Variants in DLGAP1 observed in about 807,000 individuals in gnomAD.
DLGAP1 encodes disks large-associated protein 1.
A neutral mutation model predicts 90.8 loss-of-function variants in DLGAP1; 11 were observed. The observed-to-expected ratio is 0.12, with a 90% CI of 0.08 to 0.20. The LOEUF is 0.20. Among genes scored for constraint, DLGAP1 ranks in the 10% least tolerant of loss-of-function variants. The pLI is 1.00. For missense variants in DLGAP1, 1,050 were observed against 1,333.8 expected (o/e 0.79, Z 3.31); for synonymous variants, 558 against 540.7 (o/e 1.03, Z -0.44).
At chr18:3,662,395 G>C (rs1460413) in intron 7 of DLGAP1, among the ~76,000 whole-genome samples, 1,864 of 152,188 alleles carry the variant, frequency 0.012, 40 homozygotes, top group African/African-American at 0.043. Flanking sequence ...CCAACTCTGA[G>C]CCCAGACCAA....
intron 1 of DLGAP1, among the ~76,000 whole-genome samples, chr18:4,290,697 G>A (rs1385249008): frequency 1.3e-5 from 2 of 152,120 alleles, no homozygotes. Context: ...ATATGCTTGA[G>A]CTGTCAATGA....
At chr18:4,327,937 T>C (rs902437796) in intron 1 of DLGAP1, among the ~76,000 whole-genome samples, 3 of 152,046 alleles carry the variant, frequency 2.0e-5, no homozygotes, top group African/African-American at 7.2e-5. Context: ...TTTGAGTTCC[T>C]GAAATCCCTT....
chr18:3,854,756 G>A lies in DLGAP1; in HGVS notation c.957+24356C>T, dbSNP rs201186626. On this transcript the variant is annotated intron_variant, in intron 4 of 12. Coordinates refer to ENST00000315677, the MANE Select transcript of DLGAP1 (RefSeq NM_004746.4). The stretch of plus-strand genomic sequence containing the variant: ...TGGGGAAACCTATCAGTATGATTTC[G>A]TGTGAAAAAATGGTCCTAGAAATTT... 3.2e-4 allele frequency among the ~76,000 whole-genome samples: 48 copies of A among 152,118 alleles called. No homozygotes were observed. In the East Asian group the frequency reaches 7.1e-3, roughly 23 times the overall value.
intron 1 of DLGAP1, among the ~76,000 whole-genome samples, chr18:4,393,727 C>T (rs1029994867): frequency 3.9e-5 from 6 of 152,296 alleles, no homozygotes; most frequent in South Asian, 2.1e-4. Flanking sequence ...CCAACCCTTT[C>T]GGCACCAGGG....
intron 1 of DLGAP1, among the ~76,000 whole-genome samples, chr18:4,393,165 T>A (rs888728397): frequency 6.6e-6 from 1 of 152,234 alleles, no homozygotes; most frequent in Non-Finnish European, 1.5e-5. Flanking sequence ...ACTTGAACAA[T>A]TTTGTTGATT....
intron 2 of DLGAP1, among the ~76,000 whole-genome samples, chr18:4,103,386 A>C (rs1240336910): frequency 6.6e-6 from 1 of 152,138 alleles, no homozygotes; most frequent in African/African-American, 2.4e-5. Flanking sequence ...TTTTCTTTGT[A>C]TATTTATTTC....
intron 4 of DLGAP1, among the ~76,000 whole-genome samples, chr18:3,859,532 C>T (rs1012797120): frequency 6.6e-6 from 1 of 152,102 alleles, no homozygotes; most frequent in East Asian, 1.9e-4. Context: ...CGTGCATTAT[C>T]AAGTGGGCCC....
intron 1 of DLGAP1, among the ~76,000 whole-genome samples, chr18:4,404,492 G>A (rs2082621686): frequency 6.6e-6 from 1 of 152,066 alleles, no homozygotes; most frequent in African/African-American, 2.4e-5. Context: ...AATAGCCAAG[G>A]TAGACAATAA....
intron 9 of DLGAP1, among the ~76,000 whole-genome samples, chr18:3,549,473 C>T (rs970539725): frequency 5.3e-5 from 8 of 152,080 alleles, no homozygotes; most frequent in East Asian, 1.9e-4. Flanking sequence ...GCTGGGATTA[C>T]AGGCACGTGT....
chr18:3,762,019 TC>T (rs2063991491), intron 5 of DLGAP1, among the ~76,000 whole-genome samples: 1 of 152,082 alleles, frequency 6.6e-6, no homozygotes, highest in Non-Finnish European at 1.5e-5. Context: ...AACCATCATT[TC>T]CCCCACCCTG....
At chr18:4,060,284 C>A (rs187915680) in intron 2 of DLGAP1, among the ~76,000 whole-genome samples, 34 of 152,300 alleles carry the variant, frequency 2.2e-4, no homozygotes, top group Admixed American at 1.6e-3. Context: ...CTCCTCTGAG[C>A]AACTCTCCTC....
chr18:3,800,536 A>T lies in DLGAP1; in HGVS notation c.1172+13523T>A, dbSNP rs1352845326. On this transcript the variant is annotated intron_variant, in intron 5 of 12. Transcript: ENST00000315677. ...TTCAAGTGAAAAGAGCAAATTGTAG[A>T]ACAGTATGTATAAAGAAAGTTTAGA... Among the ~76,000 whole-genome samples, 3 of 152,368 alleles carry T rather than the reference A, an allele frequency of 2.0e-5. No homozygotes were observed. The East Asian group carries it at 5.8e-4, about 29-fold the overall frequency.
chr18:3,719,070 T>C (rs573080094), intron 7 of DLGAP1, among the ~76,000 whole-genome samples: 14 of 152,244 alleles, frequency 9.2e-5, no homozygotes, highest in African/African-American at 1.2e-4. Context: ...AAGTATAACA[T>C]TGTGTGATGT....
At chr18:3,616,341 C>G (rs2057863763) in intron 7 of DLGAP1, among the ~76,000 whole-genome samples, 1 of 152,188 alleles carries the variant, frequency 6.6e-6, no homozygotes, top group African/African-American at 2.4e-5. Flanking sequence ...TGGCACAGCC[C>G]TGGGCGATGT....
intron 2 of DLGAP1, among the ~76,000 whole-genome samples, chr18:4,054,395 C>A (rs937956627): frequency 6.6e-6 from 1 of 152,150 alleles, no homozygotes; most frequent in East Asian, 1.9e-4. Context: ...GTGCATATTT[C>A]TTCCAAGTTG....
intron 6 of DLGAP1, among the ~76,000 whole-genome samples, chr18:3,737,424 C>A (rs1318113120): frequency 3.6e-5 from 5 of 138,782 alleles, no homozygotes; most frequent in African/African-American, 5.4e-5. Flanking sequence ...GCTTATCCAC[C>A]ATGATCAAGT....
chr18:3,745,879 G>C (rs1391440938), intron 5 of DLGAP1, among the ~76,000 whole-genome samples: 1 of 151,970 alleles, frequency 6.6e-6, no homozygotes, highest in Non-Finnish European at 1.5e-5. Context: ...TGTAGAGAAG[G>C]GGTTACACCA....
chr18:4,412,961 T>C (rs34945008), intron 1 of DLGAP1, among the ~76,000 whole-genome samples: 58,392 of 151,944 alleles, frequency 0.38, 11,557 homozygotes, highest in Non-Finnish European at 0.42. Context: ...TCGGAGGGGA[T>C]GCTATTACAG....
At chr18:3,858,852 T>C (rs943944177) in intron 4 of DLGAP1, among the ~76,000 whole-genome samples, 69 of 152,078 alleles carry the variant, frequency 4.5e-4, no homozygotes, top group African/African-American at 1.6e-3. Context: ...TCCTTTTAGA[T>C]GACACTAAGA....
Sources: gnomAD v4.1 joint callset for allele counts (sites outside exome capture counted in the v4.1 genomes callset) on GRCh38, gnomAD v4.1.1 for gene constraint, MANE v1.5 for transcripts, NCBI Gene and HGNC (gene_info 2026-07-23, HGNC 2026-07-21) for gene names.